The following HSF5 variants were observed in gnomAD, a reference collection of about 807,000 sequenced individuals.
The protein encoded by HSF5 is heat shock transcription factor 5.
HSF5 carries 5 observed loss-of-function variants against 50.8 expected under a neutral mutation model. That is an observed-to-expected ratio of 0.10 (90% CI 0.05 to 0.21). The LOEUF is 0.21. Ranked by LOEUF, HSF5 falls within the 10% of genes least tolerant of loss-of-function variation. HSF5 has a pLI of 1.00. For missense variants in HSF5, 564 were observed against 762.6 expected (o/e 0.74, Z 3.07); for synonymous variants, 307 against 307.4 (o/e 1.00, Z 0.02).
intron 2 of HSF5, among the ~76,000 whole-genome samples, chr17:58,475,852 G>T (rs926521097): frequency 6.6e-6 from 1 of 152,152 alleles, no homozygotes; most frequent in African/African-American, 2.4e-5. Flanking sequence ...AGAGCTCGTA[G>T]TGTTGATTCC....
intron 5 of HSF5, among the ~76,000 whole-genome samples, chr17:58,454,923 T>C (rs972901239): frequency 2.6e-5 from 4 of 152,162 alleles, no homozygotes; most frequent in African/African-American, 7.2e-5. Context: ...ACAGATTTAA[T>C]GCAAGCCTTA....
intron 5 of HSF5, among the ~76,000 whole-genome samples, chr17:58,431,404 T>C (rs1261638412): frequency 6.6e-6 from 1 of 152,188 alleles, no homozygotes; most frequent in South Asian, 2.1e-4. Context: ...ATAGAAAAGG[T>C]ACCATAAAAC....
intron 1 of HSF5, among the ~76,000 whole-genome samples, chr17:58,485,732 G>A (rs1975161313): frequency 7.2e-6 from 1 of 138,750 alleles, no homozygotes. Context: ...GGGGGACAGA[G>A]TGAAACCCTA....
chr17:58,445,502 T>C (rs565692896), intron 5 of HSF5, among the ~76,000 whole-genome samples: 1 of 152,268 alleles, frequency 6.6e-6, no homozygotes, highest in South Asian at 2.1e-4. Context: ...AACCTAAATG[T>C]CTATTAAGAA....
intron 2 of HSF5, among the ~76,000 whole-genome samples, chr17:58,477,285 A>G (rs556825777): frequency 1.2e-4 from 18 of 149,668 alleles, no homozygotes; most frequent in Admixed American, 9.3e-4. Context: ...ATGCCTGGCT[A>G]ATTTTTGTAT....
intron 4 of HSF5, among the ~76,000 whole-genome samples, chr17:58,459,867 G>A (rs1033035118): frequency 1.4e-4 from 21 of 152,044 alleles, no homozygotes; most frequent in Middle Eastern, 3.2e-3. Flanking sequence ...TTCCTCTCCT[G>A]TTGGAATGGC....
At chr17:58,439,921 G>A (rs973015327) in intron 5 of HSF5, among the ~76,000 whole-genome samples, 2 of 151,438 alleles carry the variant, frequency 1.3e-5, no homozygotes, top group Non-Finnish European at 2.9e-5. Context: ...GTTCATCTCA[G>A]CATATCCAAT....
At chr17:58,450,736 A>G (rs1974629022) in intron 5 of HSF5, among the ~76,000 whole-genome samples, 1 of 146,342 alleles carries the variant, frequency 6.8e-6, no homozygotes, top group Non-Finnish European at 1.5e-5. Flanking sequence ...CTGGGCAACA[A>G]GAGCGAAACT....
chr17:58,426,047 A>G (rs1038716959), intron 5 of HSF5, among the ~76,000 whole-genome samples: 5 of 152,244 alleles, frequency 3.3e-5, no homozygotes, highest in Non-Finnish European at 7.3e-5. Context: ...GACAGGCCAT[A>G]TGGTGGTAGA....
At chr17:58,447,247 A>C (rs1340637697) in intron 5 of HSF5, among the ~76,000 whole-genome samples, 1 of 152,180 alleles carries the variant, frequency 6.6e-6, no homozygotes, top group Admixed American at 6.5e-5. Flanking sequence ...GTGCTCCTGG[A>C]TGGTGCTTCT....
intron 2 of HSF5, among the ~76,000 whole-genome samples, chr17:58,478,878 A>G (rs1038631377): frequency 2.0e-5 from 3 of 151,760 alleles, no homozygotes; most frequent in African/African-American, 7.3e-5. Context: ...AAAAAAAAAA[A>G]AAAAGAGAAG....
At chr17:58,449,896 G>A (rs1286700422) in intron 5 of HSF5, among the ~76,000 whole-genome samples, 6 of 147,438 alleles carry the variant, frequency 4.1e-5, no homozygotes, top group African/African-American at 7.5e-5. Context: ...AGTGGCGGGC[G>A]CCTGTAGTCC....
chr17:58,424,862 T>C (rs1567904096), intron 5 of HSF5, among the ~76,000 whole-genome samples: 1 of 152,058 alleles, frequency 6.6e-6, no homozygotes, highest in Non-Finnish European at 1.5e-5. Context: ...ATAAATGAAA[T>C]AAACTAATCA....
intron 1 of HSF5, among the ~76,000 whole-genome samples, chr17:58,484,861 A>G (rs1264190097): frequency 6.6e-6 from 1 of 152,026 alleles, no homozygotes; most frequent in Non-Finnish European, 1.5e-5. Flanking sequence ...GTTGTCATTC[A>G]TAACCCTGGG....
intron 5 of HSF5, among the ~76,000 whole-genome samples, chr17:58,428,370 A>G (rs894157390): frequency 2.6e-5 from 4 of 152,150 alleles, no homozygotes; most frequent in African/African-American, 9.7e-5. Flanking sequence ...AATCAAAACC[A>G]CAATGAAGGC....
intron 5 of HSF5, among the ~76,000 whole-genome samples, chr17:58,452,725 T>C (rs763545767): frequency 6.6e-6 from 1 of 152,240 alleles, no homozygotes; most frequent in African/African-American, 2.4e-5. Flanking sequence ...CCGCACCATC[T>C]GCGATGTGAG....
At chr17:58,463,439 T>C (rs1009618712) in intron 3 of HSF5, 136 bp from the exon 4 acceptor site, 1 of 689,928 alleles carries the variant, frequency 1.4e-6, no homozygotes, top group African/African-American at 1.8e-5. Context: ...ACCTAGACAC[T>C]AATCTACTTT....
intron 2 of HSF5, among the ~76,000 whole-genome samples, chr17:58,477,956 G>A (rs1264693307): frequency 6.6e-6 from 1 of 151,878 alleles, no homozygotes; most frequent in Non-Finnish European, 1.5e-5. Context: ...TAATTCACAG[G>A]GCAAAGGAAT....
chr17:58,430,494 G>T (rs941331134), intron 5 of HSF5, among the ~76,000 whole-genome samples: 2 of 152,120 alleles, frequency 1.3e-5, no homozygotes, highest in Non-Finnish European at 2.9e-5. Context: ...GTCAGCCAGG[G>T]GCCCAGAGAG....
Sources: allele counts gnomAD v4.1 joint callset (sites outside exome capture counted in the v4.1 genomes callset), GRCh38; gene constraint gnomAD v4.1.1; transcripts MANE v1.5; gene names NCBI Gene and HGNC (gene_info 2026-07-23, HGNC 2026-07-21).